The following STK11IP variants were observed in gnomAD, a reference collection of about 807,000 sequenced individuals.
STK11IP encodes the protein serine/threonine kinase 11 interacting protein.
In STK11IP, 103 loss-of-function variants were observed where a neutral mutation model predicts 131.7. The observed-to-expected ratio is 0.78, with a 90% CI of 0.67 to 0.92. STK11IP has a LOEUF of 0.92. Among genes scored for constraint, STK11IP ranks in the 40% least tolerant of loss-of-function variants. The pLI is 0.00. For missense variants in STK11IP, 1,315 were observed against 1,385.7 expected (o/e 0.95, Z 0.81); for synonymous variants, 557 against 575.6 (o/e 0.97, Z 0.46).
Position 219,609,533 on chromosome 2 carries a change from A to T in STK11IP, c.2097A>T (p.Gln699His). 1 of 1,563,618 alleles carries T rather than the reference A, an allele frequency of 6.4e-7. No individual in the cohort carries two copies. The highest frequency in any genetic ancestry group is 1.7e-4 in the Middle Eastern group (1 of 6,000). The change falls in exon 17 of 25, where the codon CAA becomes CAT. Residue 699 changes from glutamine (Q) to histidine (H), a missense_variant. Physicochemically the swap from Gln to His is conservative, Grantham distance 24. Coordinates refer to ENST00000456909, the MANE Select transcript of STK11IP (RefSeq NM_052902.4). ...DSEEGWRPLF[Q>H]KTESPAVCPN... Reference sequence around the variant, plus strand: ...AGGAAGGCTGGAGGCCTCTGTTCCAAAAGACAGGTACAAGTCCTGCCCTTG... The same window carrying T: ...AGGAAGGCTGGAGGCCTCTGTTCCATAAGACAGGTACAAGTCCTGCCCTTG...
At chr2:219,612,159 T>C (rs1698420833) in intron 19 of STK11IP, 101 bp downstream of exon 19, 1 of 1,087,816 alleles carries the variant, frequency 9.2e-7, no homozygotes, top group South Asian at 1.4e-5. Flanking sequence ...AGAGACCTGA[T>C]CTGGCTTCTG....
intron 7 of STK11IP, among the ~76,000 whole-genome samples, chr2:219,603,454 T>C (rs1180326208): frequency 6.6e-6 from 1 of 152,224 alleles, no homozygotes; most frequent in African/African-American, 2.4e-5. Flanking sequence ...AGAACCTTTC[T>C]TCTGGGTCCT....
intron 2 of STK11IP, among the ~76,000 whole-genome samples, chr2:219,599,613 G>A (rs1697913069): frequency 1.3e-5 from 2 of 152,220 alleles, no homozygotes; most frequent in Admixed American, 1.3e-4. Flanking sequence ...TGACTACAAG[G>A]AGGTAGCAGG....
chr2:219,603,187 A>G (rs748383846), intron 7 of STK11IP, among the ~76,000 whole-genome samples: 21 of 151,898 alleles, frequency 1.4e-4, no homozygotes, highest in Admixed American at 3.9e-4. Flanking sequence ...GATTACAGGC[A>G]CGTGTCAACA....
Position 219,609,326 on chromosome 2 carries a change from G to A in STK11IP, c.1927-37G>A, listed in dbSNP as rs112890432. ...TGTGGGAGGTGTCCGTCTGGGGTCC[G>A]CCTGCTCACAGCTGCCTCTGATCCA... On this transcript the variant is annotated intron_variant, in intron 16 of 24. Coordinates refer to ENST00000456909, the MANE Select transcript of STK11IP (RefSeq NM_052902.4). The A allele has an allele frequency of 2.0e-3, 3,267 of 1,607,148 alleles. 5 individuals are homozygous for A. Among genetic ancestry groups the A allele is most frequent in the African/African-American group, 2.5e-3 (188 of 74,940 alleles).
Position 219,606,832 on chromosome 2 carries a change from A to AC in STK11IP, c.1111dup (p.Gln371ProfsTer6), listed in dbSNP as rs762756569. 1.2e-6 allele frequency: 2 copies of AC among 1,612,628 alleles called. No individual in the cohort carries two copies. Among genetic ancestry groups the AC allele is most frequent in the Non-Finnish European group, 1.7e-6 (2 of 1,179,310 alleles). On this transcript the variant is annotated frameshift_variant, in exon 12 of 25. Transcript: ENST00000456909. LOFTEE classifies it high-confidence loss of function. ...CAGCCTCTCCTCAGGGGGTGTTGTG[A>AC]CCCAGCCCCTGCTTCATAAGGTTAA...
Position 219,598,087 on chromosome 2 carries a change from C to T in STK11IP, c.-26-7C>T. Reference sequence around the variant, plus strand: ...GAGGCTCTTCCGCTTCCTCTTTCCCCCCCCAGGCTCCGCCCCCCAGCGTCC... The same window carrying T: ...GAGGCTCTTCCGCTTCCTCTTTCCCTCCCCAGGCTCCGCCCCCCAGCGTCC... On this transcript the variant is annotated splice_region_variant and splice_polypyrimidine_tract_variant and intron_variant, in intron 1 of 24. Coordinates refer to ENST00000456909, the MANE Select transcript of STK11IP (RefSeq NM_052902.4). 1.3e-6 allele frequency: 2 copies of T among 1,582,630 alleles called. No homozygotes were observed. Among genetic ancestry groups the T allele is most frequent in the Non-Finnish European group, 8.6e-7 (1 of 1,165,262 alleles).
intron 4 of STK11IP, 54 bp downstream of exon 4, chr2:219,601,769 T>C (rs750214895): frequency 2.4e-5 from 38 of 1,554,602 alleles, no homozygotes; most frequent in Non-Finnish European, 3.1e-5. Flanking sequence ...AGGCAGCCCC[T>C]TGGGGATGGG....
rs1391170795 is a variant in STK11IP, at chr2:219,606,225, C to T, written c.880C>T (p.His294Tyr). Residue 294 changes from histidine (H) to tyrosine (Y), a missense_variant, in exon 10 of 25, where the codon CAC (histidine) becomes TAC (tyrosine). By Grantham distance (83) the His-to-Tyr change is moderately conservative. Transcript: ENST00000456909. Reference sequence around the variant, plus strand: ...CCTGGAGGGGAACCCTCTTTGGTTCCACCCTGAGCACCGAGCAGCCACTGC... The same window carrying T: ...CCTGGAGGGGAACCCTCTTTGGTTCTACCCTGAGCACCGAGCAGCCACTGC... ...LYLEGNPLWF[H>Y]PEHRAATAQY... 1.3e-6 allele frequency: 2 copies of T among 1,570,566 alleles called. No homozygotes were observed. Among genetic ancestry groups the T allele is most frequent in the Admixed American group, 1.9e-5 (1 of 53,670 alleles).
Position 219,609,204 on chromosome 2 carries a change from A to C in STK11IP, c.1917A>C (p.Ala639=). 6.2e-7 allele frequency: 1 copy of C among 1,602,674 alleles called. No homozygotes were observed. The highest frequency in any genetic ancestry group is 8.5e-7 in the Non-Finnish European group (1 of 1,174,746). ...RYLVLEPDAH[A]AVQELLAVLT... ...TGGTGCTGGAGCCTGATGCCCACGC[A>C]GCTGTCCAGGTGATGGCGCCCAGAG... The change falls in exon 16 of 25, where the codon GCA becomes GCC. Residue 639 remains alanine, a synonymous_variant. Transcript: ENST00000456909.
intron 3 of STK11IP, 71 bp downstream of exon 3, chr2:219,601,511 G>C (rs750824280): frequency 6.3e-7 from 1 of 1,577,140 alleles, no homozygotes; most frequent in African/African-American, 1.3e-5. Context: ...GGATAGGGTA[G>C]GGGTGCAGAA....
At chr2:219,612,583 G>A (rs560546160) in intron 19 of STK11IP, among the ~76,000 whole-genome samples, 8 of 152,232 alleles carry the variant, frequency 5.3e-5, no homozygotes, top group Non-Finnish European at 1.2e-4. Flanking sequence ...CAGTCTTGAA[G>A]GGTAAGTTAA....
chr2:219,614,311 C>T (rs1698503863), intron 22 of STK11IP, 69 bp downstream of exon 22: 15 of 1,585,148 alleles, frequency 9.5e-6, no homozygotes, highest in Non-Finnish European at 1.1e-5. Flanking sequence ...CAGACATGGC[C>T]CTGTGCTGAG....
In STK11IP at chr2:219,608,034, C is replaced by T. The variant is rs900600217; in HGVS notation, c.1220-13C>T. 1 of 1,605,590 alleles carries T rather than the reference C, an allele frequency of 6.2e-7. No individual in the cohort carries two copies. Among genetic ancestry groups the T allele is most frequent in the African/African-American group, 1.3e-5 (1 of 74,896 alleles). On this transcript the variant is annotated splice_polypyrimidine_tract_variant and intron_variant, in intron 13 of 24. Transcript: ENST00000456909. ...GGCAGGCTTGCTCAGTTCTGGGTTCCCCTCCTGCCTAGGATGGTTCGTGCA... is the reference window on the plus strand; with the variant it reads ...GGCAGGCTTGCTCAGTTCTGGGTTCTCCTCCTGCCTAGGATGGTTCGTGCA...
chr2:219,609,696 G>A, intron 17 of STK11IP, 156 bp downstream of exon 17: 1 of 814,002 alleles, frequency 1.2e-6, no homozygotes. Context: ...CCGTCTGCCT[G>A]CTGCATTTAC....
At chr2:219,613,724 T>C in intron 20 of STK11IP, 28 bp from the exon 21 acceptor site, 1 of 1,611,930 alleles carries the variant, frequency 6.2e-7, no homozygotes, top group Non-Finnish European at 8.5e-7. Context: ...CTCATGCTTC[T>C]CCATTGCTCT....
chr2:219,602,936 C>G (rs576319040), intron 7 of STK11IP, among the ~76,000 whole-genome samples, 160 bp downstream of exon 7: 1 of 152,216 alleles, frequency 6.6e-6, no homozygotes, highest in East Asian at 1.9e-4. Context: ...ATCAGACAAA[C>G]CAGAGTTCAT....
At chr2:219,607,508 A>C (rs917140433) in intron 13 of STK11IP, among the ~76,000 whole-genome samples, 1 of 151,848 alleles carries the variant, frequency 6.6e-6, no homozygotes, top group African/African-American at 2.4e-5. Context: ...AAAATTTTTA[A>C]ATTAGCCTGA....
Position 219,613,133 on chromosome 2 carries a change from A to G in STK11IP, c.2445A>G (p.Pro815=). Residue 815 remains proline (P), a synonymous_variant, in exon 20 of 25, where the codon CCA becomes CCG. Coordinates refer to ENST00000456909, the MANE Select transcript of STK11IP (RefSeq NM_052902.4). ...CCAACTTCCTCTTCCCCCAGGTGCCAGTGGCATTGGCAGGCCACACTGGGG... is the reference window on the plus strand; with the variant it reads ...CCAACTTCCTCTTCCCCCAGGTGCCGGTGGCATTGGCAGGCCACACTGGGG... The part of the protein sequence containing the change: ...QEEFQCCLKV[P]VALAGHTGEF... 1 of 1,611,614 alleles carries G rather than the reference A, an allele frequency of 6.2e-7. No individual in the cohort carries two copies.
Sources: allele counts gnomAD v4.1 joint callset (sites outside exome capture counted in the v4.1 genomes callset), GRCh38; gene constraint gnomAD v4.1.1; transcripts MANE v1.5; gene names NCBI Gene and HGNC (gene_info 2026-07-23, HGNC 2026-07-21).